ANKS1B: variants seen among roughly 807,000 people sequenced by gnomAD.
The protein encoded by ANKS1B is ankyrin repeat and sterile alpha motif domain containing 1B.
ANKS1B carries 36 observed loss-of-function variants against 148.3 expected under a neutral mutation model. That is an observed-to-expected ratio of 0.24 (90% confidence interval 0.19 to 0.32). The LOEUF is 0.32. Among genes scored for constraint, ANKS1B ranks in the 10% least tolerant of loss-of-function variants. The pLI, the probability that ANKS1B is intolerant of heterozygous loss-of-function variation, is 1.00. For missense variants in ANKS1B, 1,157 were observed against 1,542.6 expected, an observed-to-expected ratio of 0.75 and a Z score of 4.19; for synonymous variants, 542 against 560.8, an observed-to-expected ratio of 0.97 and a Z score of 0.47.
chr12:99,354,864 T>C (rs1217465955), intron 12 of ANKS1B, among the ~76,000 whole-genome samples: 1 of 151,978 alleles, frequency 6.6e-6, no homozygotes, highest in Non-Finnish European at 1.5e-5. Flanking sequence ...ATCTTTGGGA[T>C]AGGAAATAGA....
intron 19 of ANKS1B, among the ~76,000 whole-genome samples, chr12:98,816,862 C>T (rs1211588331): frequency 6.6e-6 from 1 of 152,028 alleles, no homozygotes; most frequent in Non-Finnish European, 1.5e-5. Context: ...AACTCGATAA[C>T]CCCTATTAAG....
intron 17 of ANKS1B, among the ~76,000 whole-genome samples, chr12:98,960,179 C>T (rs1467197007): frequency 6.6e-6 from 1 of 152,114 alleles, no homozygotes; most frequent in Non-Finnish European, 1.5e-5. Flanking sequence ...TTGGGTGAGA[C>T]CCAATGCTGT....
chr12:99,598,475 G>A (rs1172204615), intron 9 of ANKS1B, among the ~76,000 whole-genome samples: 3 of 152,014 alleles, frequency 2.0e-5, no homozygotes, highest in Non-Finnish European at 4.4e-5. Context: ...ATGGAAACAG[G>A]CTTAGAGACA....
At chr12:98,952,228 C>T (rs1453643700) in intron 17 of ANKS1B, among the ~76,000 whole-genome samples, 4 of 152,176 alleles carry the variant, frequency 2.6e-5, no homozygotes, top group African/African-American at 4.8e-5. Flanking sequence ...GTATTCCCCC[C>T]GTCTTTTGGA....
chr12:99,013,484 T>C lies in ANKS1B; in HGVS notation c.2778+39673A>G, dbSNP rs143118274. 2.5e-3 allele frequency among the ~76,000 whole-genome samples: 385 copies of C among 152,284 alleles called. 11 individuals carry two copies. The East Asian group carries it at 0.045, about 18-fold the overall frequency. On this transcript the variant is annotated intron_variant, in intron 17 of 26. Transcript: ENST00000683438. ...AGGATGCCCTCTCTTACCACTCCTATTCAACATAATATTGGAAGTTCTGGA... is the reference window on the plus strand; with the variant it reads ...AGGATGCCCTCTCTTACCACTCCTACTCAACATAATATTGGAAGTTCTGGA...
chr12:99,154,441 C>T, intron 14 of ANKS1B, 46 bp from the exon 15 acceptor site: 1 of 1,613,578 alleles, frequency 6.2e-7, no homozygotes, highest in Non-Finnish European at 8.5e-7. Flanking sequence ...GAGTAGCCGT[C>T]CACGGGGTAA....
chr12:99,159,586 T>G (rs2076429341), intron 14 of ANKS1B, among the ~76,000 whole-genome samples: 1 of 152,202 alleles, frequency 6.6e-6, no homozygotes, highest in Non-Finnish European at 1.5e-5. Context: ...ATGCATAGTA[T>G]TCAATGGTAT....
At chr12:99,217,098 A>G (rs1474572155) in intron 14 of ANKS1B, among the ~76,000 whole-genome samples, 1 of 152,208 alleles carries the variant, frequency 6.6e-6, no homozygotes, top group African/African-American at 2.4e-5. Context: ...ACCTTGGACC[A>G]ATGACTCAGA....
At chr12:99,467,973 A>G (rs924611695) in intron 10 of ANKS1B, among the ~76,000 whole-genome samples, 28 of 152,226 alleles carry the variant, frequency 1.8e-4, no homozygotes, top group African/African-American at 6.3e-4. Flanking sequence ...AAGAGCCCAC[A>G]TCGCCAAGTC....
At chr12:98,891,181 A>G (rs1186412561) in intron 17 of ANKS1B, among the ~76,000 whole-genome samples, 2 of 152,220 alleles carry the variant, frequency 1.3e-5, no homozygotes, top group Non-Finnish European at 2.9e-5. Flanking sequence ...TAGAACTTGC[A>G]CTTTTGCTTC....
chr12:98,920,484 A>T (rs925707387), intron 17 of ANKS1B, among the ~76,000 whole-genome samples: 2 of 152,216 alleles, frequency 1.3e-5, no homozygotes, highest in African/African-American at 4.8e-5. Context: ...AAGGAGGAGC[A>T]AGTCACATCT....
chr12:98,960,315 G>A (rs2099869141), intron 17 of ANKS1B, among the ~76,000 whole-genome samples: 1 of 152,176 alleles, frequency 6.6e-6, no homozygotes, highest in Non-Finnish European at 1.5e-5. Flanking sequence ...ATTTGTTTGG[G>A]AGAAAGTAAG....
chr12:99,181,972 C>A (rs140663695), intron 14 of ANKS1B, among the ~76,000 whole-genome samples: 48 of 152,214 alleles, frequency 3.2e-4, no homozygotes, highest in Non-Finnish European at 5.7e-4. Flanking sequence ...CACTACCCTT[C>A]CCAGCTTCTG....
At position 99,334,769 on chromosome 12, in the gene ANKS1B, A is replaced by T. The variant is rs193220629; in HGVS notation, c.1756+64862T>A. Among the ~76,000 whole-genome samples, 714 of 152,216 alleles carry T rather than the reference A, an allele frequency of 4.7e-3. 4 individuals are homozygous for T. Among genetic ancestry groups the T allele is most frequent in the Middle Eastern group, 0.017 (5 of 294 alleles). On this transcript the variant is annotated intron_variant, in intron 12 of 26. Coordinates refer to ENST00000683438, the MANE Select transcript of ANKS1B (RefSeq NM_001352186.2). ...TATTTTATGAGCAACTTAAAAAAGC[A>T]TAAATTTTTTCTTCCTTTACGTATG... is the stretch of plus-strand genomic sequence containing the variant.
chr12:98,952,058 T>C (rs1043599728), intron 17 of ANKS1B, among the ~76,000 whole-genome samples: 2 of 152,242 alleles, frequency 1.3e-5, no homozygotes, highest in Non-Finnish European at 2.9e-5. Flanking sequence ...CCTTTTTTCC[T>C]GGTAATCTAA....
chr12:99,461,065 T>TATATATATACAC (rs1555442770), intron 10 of ANKS1B, among the ~76,000 whole-genome samples: 43 of 141,146 alleles, frequency 3.0e-4, no homozygotes, highest in Middle Eastern at 3.5e-3. Flanking sequence ...TATATATATA[T>TATATATATACAC]ACACATACAC....
At chr12:99,913,704 G>A (rs573057150) in intron 1 of ANKS1B, among the ~76,000 whole-genome samples, 5 of 151,746 alleles carry the variant, frequency 3.3e-5, no homozygotes, top group Admixed American at 1.3e-4. Flanking sequence ...TGGGAGTAAC[G>A]CAATTAAGAA....
chr12:99,053,380 C>A, intron 16 of ANKS1B, 71 bp from the exon 17 acceptor site: 1 of 1,227,652 alleles, frequency 8.1e-7, no homozygotes, highest in Non-Finnish European at 1.1e-6. Flanking sequence ...GCAGATTTCC[C>A]CTTGAAAATT....
At chr12:99,239,776 G>T (rs929281103) in intron 14 of ANKS1B, among the ~76,000 whole-genome samples, 3 of 152,196 alleles carry the variant, frequency 2.0e-5, no homozygotes, top group Admixed American at 2.0e-4. Context: ...CATTCTTAAA[G>T]AAAAGAATTT....
Sources: allele counts gnomAD v4.1 joint callset (sites outside exome capture counted in the v4.1 genomes callset), GRCh38; gene constraint gnomAD v4.1.1; transcripts MANE v1.5; gene names NCBI Gene and HGNC (gene_info 2026-07-23, HGNC 2026-07-21).